Variants in SLC1A7 observed in about 807,000 individuals in gnomAD.
SLC1A7 encodes solute carrier family 1 member 7.
In SLC1A7, 40 loss-of-function variants were observed where a neutral mutation model predicts 47.7. The observed-to-expected ratio is 0.84, with a 90% CI of 0.65 to 1.09. The LOEUF (loss-of-function observed/expected upper bound fraction) is 1.09. SLC1A7 is among the 50% of genes least tolerant of loss of function. The probability of loss-of-function intolerance (pLI) is 0.00; values close to 1 mark genes in which losing one functional copy is unlikely to be tolerated. For missense variants in SLC1A7, 746 were observed against 769.5 expected (o/e 0.97, Z 0.36); for synonymous variants, 323 against 325.6 (o/e 0.99, Z 0.09).
At chr1:53,109,317 A>G (rs549722271) in intron 3 of SLC1A7, among the ~76,000 whole-genome samples, 3 of 152,284 alleles carry the variant, frequency 2.0e-5, no homozygotes, top group South Asian at 2.1e-4. Context: ...GAGCCCAGTC[A>G]TTACTTAATC....
At chr1:53,110,515 G>A (rs1166498164) in intron 3 of SLC1A7, among the ~76,000 whole-genome samples, 1 of 152,146 alleles carries the variant, frequency 6.6e-6, no homozygotes, top group African/African-American at 2.4e-5. Context: ...CAACCCAAGA[G>A]CAGGAAACAC....
rs1431470199 is a variant in SLC1A7, at chr1:53,103,464, G to A, written c.579C>T (p.Ser193=). ...GGTCCAGGGCGAAGTTCTGCACATG[G>A]GAGCCATTCTCCTCCTGGACCCCGT... ...LIYGVQEENG[S]HVQNFALDLT... Residue 193 remains serine, a synonymous_variant, in exon 5 of 11, where the codon TCC becomes TCT. Coordinates refer to ENST00000371494, the MANE Select transcript of SLC1A7 (RefSeq NM_006671.6). 8 of 1,613,156 alleles carry A rather than the reference G, an allele frequency of 5.0e-6. No homozygotes were observed. Among genetic ancestry groups the A allele is most frequent in the Non-Finnish European group, 5.9e-6 (7 of 1,179,814 alleles).
chr1:53,090,542 C>T, intron 8 of SLC1A7, 70 bp downstream of exon 8: 4 of 1,468,002 alleles, frequency 2.7e-6, no homozygotes, highest in Non-Finnish European at 3.6e-6. Flanking sequence ...CCCCTCAAGT[C>T]TGGGAGCCTG....
chr1:53,097,931 A>AG (rs1644517130), intron 5 of SLC1A7, among the ~76,000 whole-genome samples: 2 of 140,580 alleles, frequency 1.4e-5, no homozygotes, highest in African/African-American at 5.6e-5. Context: ...TACTCACCCC[A>AG]CCTCGGTACA....
rs1572287478 is a variant in SLC1A7 at position 53,088,015 on chromosome 1, A to G, written c.1677T>C (p.Asn559=). The change falls in exon 11 of 11, where the codon AAT becomes AAC. Residue 559 remains asparagine (N), a synonymous_variant. Transcript: ENST00000371494. ...CCCCTGCAGCTCCGCAGGCTCAGAC[A>G]TTGGTCTCCAGCTCACTGATCTGGA... ...CTIQISELET[N]V is the part of the protein sequence containing the mutation. The G allele has an allele frequency of 1.3e-6, 2 of 1,505,306 alleles. No individual in the cohort carries two copies. The highest frequency in any genetic ancestry group is 1.8e-6 in the Non-Finnish European group (2 of 1,118,504). The allele number at this position is 1,505,306 out of a possible 1,614,324, so 93.2% of individuals were successfully genotyped here. A position where few individuals can be genotyped will look rare whatever the true frequency, so the allele number is the denominator to read the frequency against.
intron 1 of SLC1A7, among the ~76,000 whole-genome samples, chr1:53,137,218 C>T (rs958413384): frequency 2.1e-5 from 3 of 145,186 alleles, no homozygotes; most frequent in Non-Finnish European, 3.0e-5. Flanking sequence ...ACCCAGGAGG[C>T]GGGGATTGCA....
At chr1:53,089,718 A>C (rs1290467154) in intron 9 of SLC1A7, 82 bp downstream of exon 9, 1 of 1,456,334 alleles carries the variant, frequency 6.9e-7, no homozygotes, top group Non-Finnish European at 9.5e-7. Flanking sequence ...TGGGGAAGGG[A>C]CTCAGCCGCT....
intron 1 of SLC1A7, among the ~76,000 whole-genome samples, chr1:53,135,964 A>G (rs183556915): frequency 4.3e-4 from 65 of 151,980 alleles, no homozygotes; most frequent in Admixed American, 1.9e-3. Context: ...TGTTGGTGCT[A>G]TGAGGGGACT....
intron 3 of SLC1A7, among the ~76,000 whole-genome samples, chr1:53,110,228 G>A (rs1644687403): frequency 6.6e-6 from 1 of 152,200 alleles, no homozygotes; most frequent in African/African-American, 2.4e-5. Context: ...GGAAACTGAG[G>A]CCTGGAGAGG....
chr1:53,090,670 T>C lies in SLC1A7; in HGVS notation c.1168A>G (p.Ile390Val). The C allele has an allele frequency of 6.2e-7, 1 of 1,612,298 alleles. No individual in the cohort carries two copies. Among genetic ancestry groups the C allele is most frequent in the South Asian group, 1.1e-5 (1 of 90,960 alleles). The part of the protein sequence containing the change: ...GTALYEAVAA[I>V]FIAQVNNYEL... Reference sequence around the variant, plus strand: ...TAGTTGTTGACCTGGGCGATGAAGATGGCGGCCACAGCCTCGTAGAGCGCA... The same window carrying C: ...TAGTTGTTGACCTGGGCGATGAAGACGGCGGCCACAGCCTCGTAGAGCGCA... The change falls in exon 8 of 11, where the codon ATC becomes GTC. Residue 390 changes from isoleucine to valine, a missense_variant. Coordinates refer to ENST00000371494, the MANE Select transcript of SLC1A7 (RefSeq NM_006671.6).
At chr1:53,141,712 T>C (rs1294604345) in intron 1 of SLC1A7, among the ~76,000 whole-genome samples, 2 of 149,778 alleles carry the variant, frequency 1.3e-5, no homozygotes, top group African/African-American at 4.9e-5. Flanking sequence ...CTGCCGCATC[T>C]CCCCCAGGCT....
intron 5 of SLC1A7, among the ~76,000 whole-genome samples, chr1:53,100,732 C>T (rs1480637267): frequency 6.6e-6 from 1 of 151,842 alleles, no homozygotes; most frequent in East Asian, 1.9e-4. Context: ...CCTCGGTACA[C>T]TCACACACAT....
chr1:53,110,370 A>G (rs1644689351), intron 3 of SLC1A7, among the ~76,000 whole-genome samples: 1 of 152,142 alleles, frequency 6.6e-6, no homozygotes, highest in Non-Finnish European at 1.5e-5. Flanking sequence ...CTCTCTGACC[A>G]AGAAACGGTG....
intron 2 of SLC1A7, among the ~76,000 whole-genome samples, chr1:53,120,772 C>T (rs888438046): frequency 8.5e-5 from 13 of 152,258 alleles, no homozygotes; most frequent in Admixed American, 2.0e-4. Context: ...TGGCACAGGA[C>T]GGGCTGGCAC....
intron 5 of SLC1A7, among the ~76,000 whole-genome samples, chr1:53,100,888 C>T (rs1392816341): frequency 6.6e-6 from 1 of 151,400 alleles, no homozygotes; most frequent in African/African-American, 2.4e-5. Context: ...TTGGTACACT[C>T]AGACTGCCTC....
intron 1 of SLC1A7, among the ~76,000 whole-genome samples, chr1:53,135,777 T>C (rs1346505782): frequency 6.6e-6 from 1 of 152,260 alleles, no homozygotes; most frequent in African/African-American, 2.4e-5. Flanking sequence ...CTGCTACTTC[T>C]GGCAACCCTG....
At chr1:53,091,727 G>A (rs796109405) in intron 7 of SLC1A7, among the ~76,000 whole-genome samples, 13 of 152,320 alleles carry the variant, frequency 8.5e-5, no homozygotes, top group African/African-American at 2.4e-4. Context: ...ACCCAAGTGA[G>A]GGCTAGAGGG....
At chr1:53,105,171 T>G (rs1038100556) in intron 4 of SLC1A7, among the ~76,000 whole-genome samples, 1 of 152,242 alleles carries the variant, frequency 6.6e-6, no homozygotes, top group Admixed American at 6.5e-5. Flanking sequence ...CCAGGGACTA[T>G]GTACTAGAAC....
At position 53,136,652 on chromosome 1, in the gene SLC1A7, T is replaced by TTA. The variant is rs1272644359; in HGVS notation, c.136-2225_136-2224dup. 2.7e-3 allele frequency among the ~76,000 whole-genome samples: 114 copies of TTA among 42,052 alleles called. 3 individuals are homozygous for TTA. Among genetic ancestry groups the TTA allele is most frequent in the African/African-American group, 0.011 (109 of 9,744 alleles). The allele number at this position is 42,052 out of a possible 152,430, so 27.6% of individuals were successfully genotyped here. On this transcript the variant is annotated intron_variant, in intron 1 of 10. Transcript: ENST00000371494. ...TATAATATATAAAAACATATATATATTATATATATATATATTTTTTTTTTT... is the reference window on the plus strand; with the variant it reads ...TATAATATATAAAAACATATATATATTATATATATATATATATTTTTTTTTTT...
Sources: allele counts gnomAD v4.1 joint callset (sites outside exome capture counted in the v4.1 genomes callset), GRCh38; gene constraint gnomAD v4.1.1; transcripts MANE v1.5; gene names NCBI Gene and HGNC (gene_info 2026-07-23, HGNC 2026-07-21).